The following CACNA2D3 variants were observed in gnomAD, a reference collection of about 807,000 sequenced individuals.
CACNA2D3 encodes calcium voltage-gated channel auxiliary subunit alpha2delta 3, also known as voltage-dependent calcium channel subunit alpha-2/delta-3.
CACNA2D3 carries 60 observed loss-of-function variants against 160.6 expected under a neutral mutation model. The observed-to-expected ratio is 0.37, with a 90% CI of 0.30 to 0.46. The LOEUF is 0.46. CACNA2D3 is among the 20% of genes least tolerant of loss of function. CACNA2D3 has a pLI of 1.00. For missense variants in CACNA2D3, 1,205 were observed against 1,365.0 expected (o/e 0.88, Z 1.85); for synonymous variants, 558 against 492.9 (o/e 1.13, Z -1.75).
intron 2 of CACNA2D3, among the ~76,000 whole-genome samples, chr3:54,217,087 C>T (rs1701476696): frequency 6.6e-6 from 1 of 152,128 alleles, no homozygotes; most frequent in African/African-American, 2.4e-5. Context: ...ATAGGAGCAG[C>T]CCAGGTGAAC....
At chr3:54,748,371 C>T (rs192036051) in intron 11 of CACNA2D3, among the ~76,000 whole-genome samples, 230 of 152,208 alleles carry the variant, frequency 1.5e-3, no homozygotes, top group African/African-American at 5.0e-3. Flanking sequence ...AAAGCATAAT[C>T]GGTTTTTTGA....
At chr3:54,548,810 C>T (rs1051919967) in intron 5 of CACNA2D3, among the ~76,000 whole-genome samples, 7 of 152,166 alleles carry the variant, frequency 4.6e-5, no homozygotes, top group African/African-American at 1.7e-4. Context: ...TCCTCAAGGC[C>T]GACTTCAAAT....
At chr3:55,000,401 G>A (rs915013412) in intron 31 of CACNA2D3, among the ~76,000 whole-genome samples, 1 of 152,096 alleles carries the variant, frequency 6.6e-6, no homozygotes, top group Non-Finnish European at 1.5e-5. Flanking sequence ...TTTTGAAATA[G>A]AGGAGTGGGG....
At chr3:55,073,957 G>A in intron 37 of CACNA2D3, 98 bp downstream of exon 37, 1 of 1,158,692 alleles carries the variant, frequency 8.6e-7, no homozygotes, top group Non-Finnish European at 1.3e-6. Flanking sequence ...TCACTCATGA[G>A]AAAATAATCC....
intron 4 of CACNA2D3, among the ~76,000 whole-genome samples, chr3:54,412,451 C>G (rs1398807607): frequency 1.3e-5 from 2 of 151,816 alleles, no homozygotes; most frequent in African/African-American, 2.4e-5. Context: ...GCTTTGTCTT[C>G]TGGTTAAGGT....
At chr3:54,910,020 T>G (rs909557993) in intron 27 of CACNA2D3, among the ~76,000 whole-genome samples, 2 of 152,128 alleles carry the variant, frequency 1.3e-5, no homozygotes, top group African/African-American at 4.8e-5. Context: ...ATCAAAGGCT[T>G]TTTATTCCCA....
At chr3:54,515,224 G>GAA (rs748819697) in intron 5 of CACNA2D3, among the ~76,000 whole-genome samples, 32 of 142,584 alleles carry the variant, frequency 2.2e-4, no homozygotes, top group African/African-American at 6.9e-4. Flanking sequence ...GAGAGAGAAA[G>GAA]AGAGAGAGGA....
intron 29 of CACNA2D3, among the ~76,000 whole-genome samples, chr3:54,973,365 G>A (rs769561978): frequency 6.6e-6 from 1 of 152,166 alleles, no homozygotes; most frequent in Non-Finnish European, 1.5e-5. Flanking sequence ...CTCCTGATGA[G>A]AGTACCAGGA....
chr3:54,176,874 T>C (rs994828387), intron 2 of CACNA2D3, among the ~76,000 whole-genome samples: 3 of 151,902 alleles, frequency 2.0e-5, no homozygotes, highest in African/African-American at 7.3e-5. Context: ...GAGGTGTTGG[T>C]GGTGATTATT....
intron 6 of CACNA2D3, among the ~76,000 whole-genome samples, chr3:54,566,744 G>T (rs145420378): frequency 5.9e-5 from 9 of 152,282 alleles, no homozygotes; most frequent in East Asian, 1.9e-4. Context: ...CCTGTAGAAG[G>T]CTTGGTAATT....
chr3:54,439,768 A>T (rs1194615974), intron 4 of CACNA2D3, among the ~76,000 whole-genome samples: 3 of 152,106 alleles, frequency 2.0e-5, no homozygotes, highest in Admixed American at 6.6e-5. Flanking sequence ...TTTCCTCATG[A>T]TGGGAGACTG....
At chr3:54,502,757 T>G (rs2106944574) in intron 4 of CACNA2D3, among the ~76,000 whole-genome samples, 1 of 152,366 alleles carries the variant, frequency 6.6e-6, no homozygotes, top group South Asian at 2.1e-4. Context: ...GTAGGAATAC[T>G]CATAAAATCC....
chr3:54,927,186 A>C (rs1036598909), intron 27 of CACNA2D3, among the ~76,000 whole-genome samples: 1 of 152,210 alleles, frequency 6.6e-6, no homozygotes, highest in African/African-American at 2.4e-5. Context: ...GCTGTCATGC[A>C]CTTGAGCCTT....
At chr3:54,795,479 G>A (rs1287437757) in intron 13 of CACNA2D3, among the ~76,000 whole-genome samples, 2 of 152,098 alleles carry the variant, frequency 1.3e-5, no homozygotes, top group Non-Finnish European at 2.9e-5. Context: ...GTGATGGTGG[G>A]CATTATGTTT....
At chr3:54,889,627 G>A (rs1458104616) in intron 24 of CACNA2D3, among the ~76,000 whole-genome samples, 1 of 152,202 alleles carries the variant, frequency 6.6e-6, no homozygotes, top group Non-Finnish European at 1.5e-5. Flanking sequence ...TCTAGACATC[G>A]TGAGCTGAAA....
intron 2 of CACNA2D3, among the ~76,000 whole-genome samples, chr3:54,174,336 A>G (rs1370925242): frequency 1.3e-5 from 2 of 152,132 alleles, no homozygotes; most frequent in Non-Finnish European, 2.9e-5. Flanking sequence ...CTACCCACAG[A>G]CAGGCAAAAA....
At chr3:54,614,055 TCAATTGATCAAG>T (rs1413662235) in intron 9 of CACNA2D3, among the ~76,000 whole-genome samples, 1 of 152,194 alleles carries the variant, frequency 6.6e-6, no homozygotes, top group Non-Finnish European at 1.5e-5. Flanking sequence ...CTCCCCTTGT[TCAATTGATCAAG>T]CACAGCATGT....
chr3:54,141,198 C>A (rs896809323), intron 2 of CACNA2D3, among the ~76,000 whole-genome samples: 1 of 151,862 alleles, frequency 6.6e-6, no homozygotes, highest in Non-Finnish European at 1.5e-5. Flanking sequence ...TACTGGTAAC[C>A]CTTCTCTATT....
In CACNA2D3 at chr3:54,549,401, G is replaced by A. The variant is rs186308777; in HGVS notation, c.545-13399G>A. ...GCGGAACTTGCAGTGAGCCGAGATC[G>A]TGCCACTGCAGTCTGGCCTGGGCGA... On this transcript the variant is annotated intron_variant, in intron 5 of 37. Transcript: ENST00000474759. 3.8e-4 allele frequency among the ~76,000 whole-genome samples: 58 copies of A among 152,340 alleles called. No homozygotes were observed. The East Asian group carries it at 0.01, about 27-fold the overall frequency.
Sources: gnomAD v4.1 joint callset for allele counts (sites outside exome capture counted in the v4.1 genomes callset) on GRCh38, gnomAD v4.1.1 for gene constraint, MANE v1.5 for transcripts, NCBI Gene and HGNC (gene_info 2026-07-23, HGNC 2026-07-21) for gene names.